The following GALNTL6 variants were observed in gnomAD, a reference collection of about 807,000 sequenced individuals.
GALNTL6 encodes polypeptide N-acetylgalactosaminyltransferase-like 6.
GALNTL6 carries 46 observed loss-of-function variants against 73.7 expected under a neutral mutation model. The observed-to-expected ratio is 0.62, with a 90% CI of 0.49 to 0.80. The LOEUF (loss-of-function observed/expected upper bound fraction) is 0.80, where lower values mean the gene tolerates loss of function less well. Among genes scored for constraint, GALNTL6 ranks in the 30% least tolerant of loss-of-function variants. The pLI is 0.00. For synonymous variants in GALNTL6, 259 were observed against 263.7 expected, an observed-to-expected ratio of 0.98 and a Z score of 0.17; for missense variants, 604 against 755.0, an observed-to-expected ratio of 0.80 and a Z score of 2.34.
rs989863488 is a variant in GALNTL6 at position 172,369,996 on chromosome 4, C to T, written c.553+21307C>T. Among the ~76,000 whole-genome samples the T allele has an allele frequency of 7.9e-5, 12 of 152,190 alleles. No homozygotes were observed. In the East Asian group the frequency reaches 1.2e-3, roughly 15 times the overall value. On this transcript the variant is annotated intron_variant, in intron 5 of 12. Coordinates refer to ENST00000506823, the MANE Select transcript of GALNTL6 (RefSeq NM_001034845.3). ...AGGCCAAGGAGGCGCCGAGAGCGAG[C>T]AAGTGCTGCTAGCATGTTGTCACCT...
intron 5 of GALNTL6, among the ~76,000 whole-genome samples, chr4:172,684,179 T>C (rs1388412357): frequency 1.3e-5 from 2 of 152,226 alleles, no homozygotes; most frequent in East Asian, 3.8e-4. Context: ...GAAGTTTGTA[T>C]GTAGCAGATA....
intron 5 of GALNTL6, among the ~76,000 whole-genome samples, chr4:172,746,037 T>C (rs745762104): frequency 1.4e-5 from 2 of 138,928 alleles, no homozygotes; most frequent in Non-Finnish European, 3.1e-5. Flanking sequence ...ATTTCTCATA[T>C]TAAAATCAAG....
chr4:172,966,892 A>G (rs1035227411), intron 10 of GALNTL6, among the ~76,000 whole-genome samples: 17 of 152,066 alleles, frequency 1.1e-4, no homozygotes, highest in Non-Finnish European at 2.5e-4. Context: ...CTGTGCCGCT[A>G]AAAGGTAAGT....
At chr4:172,343,432 ATC>A (rs1452230700) in intron 4 of GALNTL6, among the ~76,000 whole-genome samples, 1 of 152,212 alleles carries the variant, frequency 6.6e-6, no homozygotes, top group African/African-American at 2.4e-5. Context: ...GTACTAAAGT[ATC>A]TCTTTTAGAC....
At chr4:172,934,136 C>T (rs1748490904) in intron 9 of GALNTL6, among the ~76,000 whole-genome samples, 1 of 152,160 alleles carries the variant, frequency 6.6e-6, no homozygotes, top group Non-Finnish European at 1.5e-5. Flanking sequence ...CAAGTAACTG[C>T]TTAAATGTAT....
At chr4:172,050,064 C>A (rs1579088767) in intron 2 of GALNTL6, among the ~76,000 whole-genome samples, 1 of 152,034 alleles carries the variant, frequency 6.6e-6, no homozygotes, top group East Asian at 1.9e-4. Context: ...AGGTATTTTT[C>A]CCACTTTTAC....
At chr4:171,917,095 A>G (rs1737653682) in intron 2 of GALNTL6, among the ~76,000 whole-genome samples, 1 of 152,070 alleles carries the variant, frequency 6.6e-6, no homozygotes, top group South Asian at 2.1e-4. Flanking sequence ...TTCTGGCTCA[A>G]ACTTCCCAGG....
At chr4:172,222,254 C>A (rs1338584321) in intron 2 of GALNTL6, among the ~76,000 whole-genome samples, 1 of 151,854 alleles carries the variant, frequency 6.6e-6, no homozygotes, top group Non-Finnish European at 1.5e-5. Flanking sequence ...GAATGAAAAT[C>A]TCATTAAAAA....
chr4:172,759,965 T>C (rs1036542778), intron 5 of GALNTL6, among the ~76,000 whole-genome samples: 3 of 150,974 alleles, frequency 2.0e-5, no homozygotes, highest in Admixed American at 6.6e-5. Context: ...GCCTCCCCAG[T>C]AGCTGGGACT....
intron 2 of GALNTL6, among the ~76,000 whole-genome samples, chr4:172,176,311 A>G (rs1478456620): frequency 1.4e-4 from 17 of 124,466 alleles, no homozygotes; most frequent in East Asian, 4.9e-4. Context: ...CTGCACTCCA[A>G]CCTGGGCGAC....
intron 11 of GALNTL6, among the ~76,000 whole-genome samples, chr4:173,015,478 G>T (rs1351907818): frequency 2.6e-5 from 4 of 152,238 alleles, no homozygotes; most frequent in Admixed American, 2.6e-4. Flanking sequence ...TGACCAAAAT[G>T]CTGATAATGA....
chr4:172,177,655 C>G (rs1173181253), intron 2 of GALNTL6, among the ~76,000 whole-genome samples: 1 of 150,106 alleles, frequency 6.7e-6, no homozygotes, highest in Admixed American at 6.6e-5. Context: ...TATTCTCAAC[C>G]ATACATAAAT....
chr4:172,368,311 G>A (rs960853797), intron 5 of GALNTL6, among the ~76,000 whole-genome samples: 12 of 152,138 alleles, frequency 7.9e-5, no homozygotes, highest in Admixed American at 6.5e-4. Flanking sequence ...AACTTGGGAG[G>A]CAGAGGTTGC....
intron 2 of GALNTL6, among the ~76,000 whole-genome samples, chr4:172,078,707 A>G (rs1159876329): frequency 1.6e-4 from 24 of 152,178 alleles, no homozygotes; most frequent in Admixed American, 1.6e-3. Context: ...TAGTAAACTA[A>G]TATAGTCAAT....
At chr4:172,602,494 G>A (rs200579465) in intron 5 of GALNTL6, among the ~76,000 whole-genome samples, 74,377 of 151,818 alleles carry the variant, frequency 0.49, 19,663 homozygotes, top group East Asian at 0.74. Context: ...TTTAAATTAG[G>A]TTTAAATTAT....
At chr4:172,419,773 C>G (rs1730985925) in intron 5 of GALNTL6, among the ~76,000 whole-genome samples, 1 of 152,152 alleles carries the variant, frequency 6.6e-6, no homozygotes, top group South Asian at 2.1e-4. Flanking sequence ...TTGAGTGTGA[C>G]TAAGAGACAT....
intron 3 of GALNTL6, among the ~76,000 whole-genome samples, chr4:172,275,145 A>G (rs1442125879): frequency 6.6e-6 from 1 of 152,184 alleles, no homozygotes; most frequent in Non-Finnish European, 1.5e-5. Context: ...CTGCCTTTTG[A>G]GAGTTACAAA....
chr4:172,844,880 C>A (rs987910325), intron 7 of GALNTL6, among the ~76,000 whole-genome samples: 2 of 151,994 alleles, frequency 1.3e-5, no homozygotes, highest in South Asian at 4.2e-4. Context: ...GAAAAAAAGT[C>A]CTCATTCACA....
intron 2 of GALNTL6, among the ~76,000 whole-genome samples, chr4:171,855,817 C>T (rs1338038786): frequency 6.6e-6 from 1 of 152,114 alleles, no homozygotes; most frequent in African/African-American, 2.4e-5. Flanking sequence ...AGGTAGGTAG[C>T]TATATCTCAT....
Sources: gnomAD v4.1 joint callset for allele counts (sites outside exome capture counted in the v4.1 genomes callset) on GRCh38, gnomAD v4.1.1 for gene constraint, MANE v1.5 for transcripts, NCBI Gene and HGNC (gene_info 2026-07-23, HGNC 2026-07-21) for gene names.